NPSR1: variants seen among roughly 807,000 people sequenced by gnomAD.
NPSR1 encodes the protein neuropeptide S receptor.
A neutral mutation model predicts 46.9 loss-of-function variants in NPSR1; 48 were observed. That is an observed-to-expected ratio of 1.02 (90% CI 0.81 to 1.30). The LOEUF is 1.30. NPSR1 is among the 50% of genes most tolerant of loss of function. The probability of loss-of-function intolerance (pLI) is 0.00; values close to 1 mark genes in which losing one functional copy is unlikely to be tolerated. For synonymous variants in NPSR1, 176 were observed against 168.1 expected (o/e 1.05, Z -0.36); for missense variants, 450 against 449.5 (o/e 1.00, Z -0.01).
intron 2 of NPSR1, among the ~76,000 whole-genome samples, chr7:34,742,551 C>T (rs1784996702): frequency 6.6e-6 from 1 of 152,184 alleles, no homozygotes; most frequent in African/African-American, 2.4e-5. Context: ...ACTACATTTG[C>T]TTCATCCAAT....
At chr7:34,658,941 A>G (rs564433959) in intron 1 of NPSR1, among the ~76,000 whole-genome samples, 1 of 152,216 alleles carries the variant, frequency 6.6e-6, no homozygotes, top group Non-Finnish European at 1.5e-5. Context: ...TAGGAACACC[A>G]GAGATGCGGA....
intron 2 of NPSR1, among the ~76,000 whole-genome samples, chr7:34,694,823 C>T (rs1010656573): frequency 2.0e-5 from 3 of 152,210 alleles, no homozygotes; most frequent in Non-Finnish European, 4.4e-5. Context: ...GATTCTCCTG[C>T]CTCAGCCTCC....
intron 5 of NPSR1, 92 bp from the exon 6 acceptor site, chr7:34,834,292 C>G (rs951179748): frequency 2.2e-6 from 2 of 901,372 alleles, no homozygotes; most frequent in Non-Finnish European, 3.7e-6. Context: ...CCCTTCACAC[C>G]TTGCACTCGG....
At chr7:34,824,398 C>T (rs908199278) in intron 4 of NPSR1, among the ~76,000 whole-genome samples, 3 of 152,148 alleles carry the variant, frequency 2.0e-5, no homozygotes, top group Admixed American at 6.5e-5. Flanking sequence ...TATATGCAAA[C>T]CTGCATTTCA....
intron 8 of NPSR1, among the ~76,000 whole-genome samples, chr7:34,856,788 T>G (rs1791059521): frequency 6.6e-6 from 1 of 151,600 alleles, no homozygotes; most frequent in Non-Finnish European, 1.5e-5. Context: ...TGTTTTCTTC[T>G]TTGGTAAGTC....
At chr7:34,698,446 C>T (rs1364951541) in intron 2 of NPSR1, among the ~76,000 whole-genome samples, 4 of 152,100 alleles carry the variant, frequency 2.6e-5, no homozygotes, top group African/African-American at 9.7e-5. Flanking sequence ...GGGGAAGAGA[C>T]AGAATGAAAA....
intron 3 of NPSR1, among the ~76,000 whole-genome samples, chr7:34,782,415 T>C (rs1787269192): frequency 6.6e-6 from 1 of 152,156 alleles, no homozygotes; most frequent in Admixed American, 6.5e-5. Flanking sequence ...CCATCACCAC[T>C]GAAGACCCTA....
chr7:34,846,350 C>G (rs534706371), intron 7 of NPSR1, among the ~76,000 whole-genome samples: 4 of 152,208 alleles, frequency 2.6e-5, no homozygotes, highest in Admixed American at 1.3e-4. Context: ...CCCTACCAGA[C>G]CAAAAGGGCC....
At chr7:34,845,585 C>T (rs1160275124) in intron 7 of NPSR1, 1 of 455,740 alleles carries the variant, frequency 2.2e-6, no homozygotes, top group African/African-American at 2.0e-5. Context: ...CCTGAGGGCT[C>T]CTTGATAAGT....
rs325465 is a variant in NPSR1, at chr7:34,811,812, A to C, written c.427A>C (p.Ser143Arg). ...CTCTACCTACGTCCTGGTGTCCCTC[A>C]GCATAGACAGATACCATGCCATCGT... Reference protein sequence around the residue: ...YASTYVLVSLSIDRYHAIVYP... With the variant: ...YASTYVLVSLRIDRYHAIVYP... The change falls in exon 4 of 9, where the codon AGC (serine) becomes CGC (arginine). Residue 143 changes from serine (S) to arginine (R), a missense_variant. Physicochemically the swap from Ser to Arg is moderately radical, Grantham distance 110 (BLOSUM62 -1). Coordinates refer to ENST00000360581, the MANE Select transcript of NPSR1 (RefSeq NM_207172.2). 1 of 1,613,086 alleles carries C rather than the reference A, an allele frequency of 6.2e-7. No homozygotes were observed. The highest frequency in any genetic ancestry group is 1.1e-5 in the South Asian group (1 of 90,996).
chr7:34,849,123 T>A (rs1000650387), intron 8 of NPSR1, among the ~76,000 whole-genome samples: 2 of 152,198 alleles, frequency 1.3e-5, no homozygotes, highest in Non-Finnish European at 1.5e-5. Flanking sequence ...TTTTCTGCTG[T>A]TTTTCAGCTG....
At chr7:34,853,959 T>G (rs1790996650), downstream of NPSR1, among the ~76,000 whole-genome samples, 3 of 143,232 alleles carry the variant, frequency 2.1e-5, no homozygotes, top group Admixed American at 2.1e-4. Flanking sequence ...AGAAGGAAAC[T>G]CTGCCTGGAA....
chr7:34,751,282 A>G, intron 2 of NPSR1: 1 of 965,548 alleles, frequency 1.0e-6, no homozygotes, highest in South Asian at 1.3e-5. Flanking sequence ...CATGGTGAAC[A>G]GAAGATGAGG....
intron 2 of NPSR1, among the ~76,000 whole-genome samples, chr7:34,761,760 A>G (rs324957): frequency 0.55 from 84,142 of 152,044 alleles, 23,718 homozygotes; most frequent in African/African-American, 0.63. Flanking sequence ...TAAAAGAGAA[A>G]ACAAGTTGTC....
chr7:34,872,480 G>C (rs1221949001), intron 8 of NPSR1, among the ~76,000 whole-genome samples: 1 of 151,932 alleles, frequency 6.6e-6, no homozygotes, highest in African/African-American at 2.4e-5. Context: ...CAGCGTGCTT[G>C]AACTTCTCTC....
At chr7:34,715,281 T>C (rs1339191274) in intron 2 of NPSR1, among the ~76,000 whole-genome samples, 3 of 152,222 alleles carry the variant, frequency 2.0e-5, no homozygotes, top group Non-Finnish European at 4.4e-5. Flanking sequence ...GCTCTGGAAC[T>C]AAGCAGATGA....
intron 5 of NPSR1, among the ~76,000 whole-genome samples, chr7:34,834,006 T>C (rs1326439586): frequency 6.6e-6 from 1 of 152,182 alleles, no homozygotes; most frequent in African/African-American, 2.4e-5. Flanking sequence ...TCAGGGATCA[T>C]AGATGTCATT....
chr7:34,678,590 G>A (rs1792448720), intron 1 of NPSR1, among the ~76,000 whole-genome samples: 1 of 152,076 alleles, frequency 6.6e-6, no homozygotes, highest in Admixed American at 6.6e-5. Flanking sequence ...ACTTTGGGAG[G>A]CCCAGGAGGG....
At chr7:34,658,684 A>G (rs994915650) in intron 1 of NPSR1, 125 bp downstream of exon 1, 1 of 1,034,198 alleles carries the variant, frequency 9.7e-7, no homozygotes, top group African/African-American at 1.6e-5. Context: ...ACTAAAAAGG[A>G]TTTTTAAAAG....
Sources: gnomAD v4.1 joint callset for allele counts (sites outside exome capture counted in the v4.1 genomes callset) on GRCh38, gnomAD v4.1.1 for gene constraint, MANE v1.5 for transcripts, NCBI Gene and HGNC (gene_info 2026-07-23, HGNC 2026-07-21) for gene names.